Variants in NEGR1 observed in about 807,000 individuals in gnomAD.
NEGR1 encodes IgLON family member 4.
Under a neutral mutation model 40.9 loss-of-function variants are expected in NEGR1, and 10 were observed. That is an observed-to-expected ratio of 0.24 (90% CI 0.15 to 0.42). The LOEUF (loss-of-function observed/expected upper bound fraction) is 0.42, where lower values mean the gene tolerates loss of function less well. Among genes scored for constraint, NEGR1 ranks in the 10% least tolerant of loss-of-function variants. NEGR1 has a pLI of 1.00. For missense variants in NEGR1, 352 were observed against 438.9 expected (o/e 0.80, Z 1.77); for synonymous variants, 185 against 166.8 (o/e 1.11, Z -0.84).
chr1:71,863,309 G>A (rs551539029), intron 2 of NEGR1, among the ~76,000 whole-genome samples: 2 of 152,266 alleles, frequency 1.3e-5, no homozygotes, highest in South Asian at 2.1e-4. Context: ...GGACATGGAT[G>A]GAGCTGGAAG....
intron 4 of NEGR1, among the ~76,000 whole-genome samples, chr1:71,632,331 T>A (rs1650994822): frequency 1.3e-5 from 2 of 151,288 alleles, no homozygotes; most frequent in African/African-American, 2.4e-5. Context: ...ACAATTAACT[T>A]GCCATCAGCT....
intron 4 of NEGR1, among the ~76,000 whole-genome samples, chr1:71,690,508 A>G (rs754637027): frequency 3.3e-5 from 5 of 150,826 alleles, no homozygotes; most frequent in Non-Finnish European, 7.4e-5. Flanking sequence ...TTGGCTGCTT[A>G]TTAGAACATG....
rs549520842 is a variant in NEGR1, at chr1:71,511,016, A to G, written c.940+81801T>C. 2.0e-5 allele frequency among the ~76,000 whole-genome samples: 3 copies of G among 152,314 alleles called. No homozygotes were observed. In the South Asian group the frequency reaches 6.2e-4, roughly 32 times the overall value. On this transcript the variant is annotated intron_variant, in intron 6 of 6. Coordinates refer to ENST00000357731, the MANE Select transcript of NEGR1 (RefSeq NM_173808.3). Reference sequence around the variant, plus strand: ...TCTTGAGGCCTGAAACAATATCAAAATGTTCTAAGTCTAGGGCAGACTTCC... The same window carrying G: ...TCTTGAGGCCTGAAACAATATCAAAGTGTTCTAAGTCTAGGGCAGACTTCC...
chr1:72,229,601 T>C (rs1654295951), intron 1 of NEGR1, among the ~76,000 whole-genome samples: 1 of 151,030 alleles, frequency 6.6e-6, no homozygotes, highest in Non-Finnish European at 1.5e-5. Context: ...CTTAAAATAA[T>C]TGTTAAGTCC....
rs549018923 is a variant in NEGR1, at chr1:71,579,474, C to G, written c.940+13343G>C. ...TAAGATTATGACATTACTGGTTAAT[C>G]TTATGTCCCAAGCATGCAGTCTACA... On this transcript the variant is annotated intron_variant, in intron 6 of 6. Coordinates refer to ENST00000357731, the MANE Select transcript of NEGR1 (RefSeq NM_173808.3). 2.0e-5 allele frequency among the ~76,000 whole-genome samples: 3 copies of G among 152,184 alleles called. No homozygotes were observed. In the South Asian group the frequency reaches 6.2e-4, roughly 32 times the overall value.
intron 1 of NEGR1, among the ~76,000 whole-genome samples, chr1:72,076,518 CT>C (rs1332006042): frequency 1.3e-4 from 19 of 147,232 alleles, no homozygotes; most frequent in Non-Finnish European, 2.5e-4. Context: ...CCCACCCCCC[CT>C]GCCTCACCAA....
chr1:71,658,878 T>C (rs1381631127), intron 4 of NEGR1, among the ~76,000 whole-genome samples: 1 of 152,190 alleles, frequency 6.6e-6, no homozygotes, highest in African/African-American at 2.4e-5. Context: ...TTCAAACTAA[T>C]TGTTGAGTAA....
At chr1:71,629,357 C>T (rs1650897237) in intron 4 of NEGR1, among the ~76,000 whole-genome samples, 1 of 151,958 alleles carries the variant, frequency 6.6e-6, no homozygotes. Flanking sequence ...TTGATTCTTC[C>T]TATCCATGAG....
rs570299586 is a variant in NEGR1, at chr1:71,422,327, A to G, written c.941-14757T>C. On this transcript the variant is annotated intron_variant, in intron 6 of 6. Transcript: ENST00000357731. ...TGTCTGATACACAATGGCACTGTCT[A>G]TTGTTACAGAACTGGCTTATTTGTA... is the stretch of plus-strand genomic sequence containing the variant. 7.2e-5 allele frequency among the ~76,000 whole-genome samples: 11 copies of G among 152,304 alleles called. No homozygotes were observed. The East Asian group carries it at 1.5e-3, about 21-fold the overall frequency.
At chr1:71,426,688 C>T (rs994783212) in intron 6 of NEGR1, among the ~76,000 whole-genome samples, 1 of 152,098 alleles carries the variant, frequency 6.6e-6, no homozygotes, top group Non-Finnish European at 1.5e-5. Flanking sequence ...TTTGTAAACA[C>T]AAAAGCACTG....
In NEGR1 at chr1:71,476,624, A is replaced by G. The variant is rs982648161; in HGVS notation, c.941-69054T>C. On this transcript the variant is annotated intron_variant, in intron 6 of 6. Coordinates refer to ENST00000357731, the MANE Select transcript of NEGR1 (RefSeq NM_173808.3). ...CTGAGGGTCTGAAAACAGATCAGCC[A>G]TTTAGGTGACCAACTGTGTCTACAT... Among the ~76,000 whole-genome samples the G allele has an allele frequency of 7.2e-5, 11 of 152,224 alleles. No homozygotes were observed. The East Asian group carries it at 1.2e-3, about 16-fold the overall frequency.
chr1:71,744,738 A>G (rs1451955230), intron 3 of NEGR1, among the ~76,000 whole-genome samples: 1 of 152,204 alleles, frequency 6.6e-6, no homozygotes, highest in African/African-American at 2.4e-5. Flanking sequence ...GTTCAATCTT[A>G]GTTTTTTAAG....
intron 1 of NEGR1, among the ~76,000 whole-genome samples, chr1:72,084,582 G>C (rs1021173020): frequency 6.6e-6 from 1 of 152,114 alleles, no homozygotes; most frequent in Admixed American, 6.6e-5. Context: ...TTTTTGTCTA[G>C]TTTGTTCATG....
At chr1:72,080,843 CTGGA>C (rs1280833168) in intron 1 of NEGR1, among the ~76,000 whole-genome samples, 1 of 151,978 alleles carries the variant, frequency 6.6e-6, no homozygotes, top group Non-Finnish European at 1.5e-5. Context: ...TCAAATTTTC[CTGGA>C]TGAACGAAGA....
At chr1:71,841,047 T>C (rs1187236622) in intron 2 of NEGR1, among the ~76,000 whole-genome samples, 1 of 152,020 alleles carries the variant, frequency 6.6e-6, no homozygotes, top group East Asian at 1.9e-4. Flanking sequence ...CATGAACCAA[T>C]TTCTTAAGGT....
At chr1:71,608,150 A>G (rs1364908828) in intron 5 of NEGR1, among the ~76,000 whole-genome samples, 1 of 152,304 alleles carries the variant, frequency 6.6e-6, no homozygotes, top group South Asian at 2.1e-4. Flanking sequence ...ATTCATTACC[A>G]TGATATTTGA....
At chr1:72,154,970 T>C (rs1651306542) in intron 1 of NEGR1, among the ~76,000 whole-genome samples, 1 of 151,984 alleles carries the variant, frequency 6.6e-6, no homozygotes, top group South Asian at 2.1e-4. Flanking sequence ...ATACATATTA[T>C]AGAAAAACTC....
At chr1:71,933,100 TAAA>T (rs1389984117) in intron 2 of NEGR1, among the ~76,000 whole-genome samples, 1 of 152,028 alleles carries the variant, frequency 6.6e-6, no homozygotes, top group Non-Finnish European at 1.5e-5. Flanking sequence ...TCTAGAGGAA[TAAA>T]ATATTAAACT....
chr1:71,687,488 G>T (rs1029592381), intron 4 of NEGR1, among the ~76,000 whole-genome samples: 4 of 152,192 alleles, frequency 2.6e-5, no homozygotes, highest in Non-Finnish European at 5.9e-5. Flanking sequence ...ACTGCATGAT[G>T]CTGGGATTTC....
Sources: gnomAD v4.1 joint callset for allele counts (sites outside exome capture counted in the v4.1 genomes callset) on GRCh38, gnomAD v4.1.1 for gene constraint, MANE v1.5 for transcripts, NCBI Gene and HGNC (gene_info 2026-07-23, HGNC 2026-07-21) for gene names.